The following CDH12 variants were observed in gnomAD, a reference collection of about 807,000 sequenced individuals.
CDH12 encodes cadherin 12.
Under a neutral mutation model 74.1 loss-of-function variants are expected in CDH12, and 41 were observed. That is an observed-to-expected ratio of 0.55 (90% CI 0.43 to 0.72). The LOEUF is 0.72. Ranked by LOEUF, CDH12 falls within the 30% of genes least tolerant of loss-of-function variation. The probability of loss-of-function intolerance (pLI) is 0.00; values close to 1 mark genes in which losing one functional copy is unlikely to be tolerated. For missense variants in CDH12, 945 were observed against 977.2 expected (o/e 0.97, Z 0.44); for synonymous variants, 399 against 355.0 (o/e 1.12, Z -1.39).
At chr5:22,530,049 A>T (rs1737518161) in intron 1 of CDH12, among the ~76,000 whole-genome samples, 1 of 152,190 alleles carries the variant, frequency 6.6e-6, no homozygotes, top group African/African-American at 2.4e-5. Context: ...TTGAAATTTA[A>T]ATTTTAAATT....
chr5:21,838,612 T>G lies in CDH12; in HGVS notation c.814+3549A>C, dbSNP rs920139759. ...GTTCCAATGCCCTTATCCTCTACAT[T>G]TTTTGCAAGTACATCTCAGAGACTT... On this transcript the variant is annotated intron_variant, in intron 8 of 14. Coordinates refer to ENST00000382254, the MANE Select transcript of CDH12 (RefSeq NM_004061.5). 5.9e-5 allele frequency among the ~76,000 whole-genome samples: 9 copies of G among 152,068 alleles called. 1 individual carries two copies. The highest frequency in any genetic ancestry group is 2.6e-4 in the Admixed American group (4 of 15,254).
intron 3 of CDH12, among the ~76,000 whole-genome samples, chr5:22,303,924 T>C (rs1196799776): frequency 3.3e-5 from 5 of 152,130 alleles, no homozygotes. Flanking sequence ...CAGAAACTAA[T>C]ATATTTTAGG....
chr5:22,459,916 C>T (rs1230197827), intron 2 of CDH12, among the ~76,000 whole-genome samples: 1 of 151,338 alleles, frequency 6.6e-6, no homozygotes, highest in East Asian at 1.9e-4. Flanking sequence ...TGCAGTGAGC[C>T]GAGATCACAC....
At chr5:22,385,507 C>G (rs1036346347) in intron 3 of CDH12, among the ~76,000 whole-genome samples, 3 of 152,116 alleles carry the variant, frequency 2.0e-5, no homozygotes, top group African/African-American at 7.2e-5. Context: ...TAAATATTTT[C>G]ACAACCTCAA....
In CDH12 at chr5:22,711,881, C is replaced by T. The variant is rs540592011; in HGVS notation, c.-523+141177G>A. On this transcript the variant is annotated intron_variant, in intron 1 of 14. Coordinates refer to ENST00000382254, the MANE Select transcript of CDH12 (RefSeq NM_004061.5). ...TTCTTGAGGGCATTCATTACAAAAT[C>T]AAGTTCATAATGTATCCAAGCCTTA... 3.3e-5 allele frequency among the ~76,000 whole-genome samples: 5 copies of T among 152,186 alleles called. No individual in the cohort carries two copies. In the East Asian group the frequency reaches 9.7e-4, roughly 29 times the overall value.
chr5:22,752,784 C>CG (rs1323569892), intron 1 of CDH12, among the ~76,000 whole-genome samples: 1 of 151,120 alleles, frequency 6.6e-6, no homozygotes, highest in East Asian at 2.0e-4. Context: ...CGTTTTTAGC[C>CG]GGGATGGTCT....
intron 6 of CDH12, among the ~76,000 whole-genome samples, chr5:21,869,036 A>G (rs1751480607): frequency 6.6e-6 from 1 of 152,138 alleles, no homozygotes; most frequent in East Asian, 1.9e-4. Context: ...TTCCACCATG[A>G]CACATAACAG....
chr5:22,111,908 A>T (rs900632350), intron 4 of CDH12, among the ~76,000 whole-genome samples: 1 of 152,166 alleles, frequency 6.6e-6, no homozygotes, highest in Non-Finnish European at 1.5e-5. Flanking sequence ...TCTATATTAC[A>T]TGTATTTCTG....
intron 2 of CDH12, among the ~76,000 whole-genome samples, chr5:22,413,857 C>T (rs1336695401): frequency 6.6e-6 from 1 of 151,806 alleles, no homozygotes; most frequent in African/African-American, 2.4e-5. Context: ...GAAAATAATT[C>T]AAATTGAATC....
At chr5:22,540,201 C>T (rs1414159970) in intron 1 of CDH12, among the ~76,000 whole-genome samples, 1 of 151,730 alleles carries the variant, frequency 6.6e-6, no homozygotes, top group East Asian at 1.9e-4. Context: ...TCATATATGT[C>T]TCATCAGTAT....
intron 5 of CDH12, among the ~76,000 whole-genome samples, chr5:22,024,440 A>C (rs1738207430): frequency 1.3e-5 from 2 of 152,198 alleles, no homozygotes; most frequent in African/African-American, 4.8e-5. Context: ...AAAACTACTC[A>C]CTTTCAACAA....
At chr5:22,731,488 T>C (rs1324541840) in intron 1 of CDH12, among the ~76,000 whole-genome samples, 1 of 151,892 alleles carries the variant, frequency 6.6e-6, no homozygotes, top group African/African-American at 2.4e-5. Context: ...AGTTAAAATG[T>C]GAAAATTAGT....
At chr5:22,121,472 AC>A (rs1490745617) in intron 4 of CDH12, among the ~76,000 whole-genome samples, 1 of 152,186 alleles carries the variant, frequency 6.6e-6, no homozygotes, top group African/African-American at 2.4e-5. Flanking sequence ...GCTGCCTAAT[AC>A]GTCATGAATG....
At chr5:22,297,612 C>T (rs1238861920) in intron 3 of CDH12, among the ~76,000 whole-genome samples, 2 of 152,172 alleles carry the variant, frequency 1.3e-5, no homozygotes, top group South Asian at 2.1e-4. Context: ...TAATTTACAA[C>T]ATGCGATTGT....
intron 4 of CDH12, among the ~76,000 whole-genome samples, chr5:22,163,058 G>A (rs1748460165): frequency 2.6e-5 from 4 of 152,022 alleles, no homozygotes; most frequent in Middle Eastern, 3.4e-3. Context: ...CACCGCGCCC[G>A]GCTAATTTTT....
At chr5:22,375,225 A>G (rs1374214761) in intron 3 of CDH12, among the ~76,000 whole-genome samples, 4 of 152,116 alleles carry the variant, frequency 2.6e-5, no homozygotes, top group African/African-American at 7.2e-5. Context: ...AATAAATGGT[A>G]TTGGGAATTA....
chr5:22,373,357 C>A (rs940702257), intron 3 of CDH12, among the ~76,000 whole-genome samples: 2 of 152,146 alleles, frequency 1.3e-5, no homozygotes, highest in Non-Finnish European at 1.5e-5. Context: ...CAGTGGGTTG[C>A]CCCCACAACT....
chr5:22,453,542 A>C (rs1268062743), intron 2 of CDH12, among the ~76,000 whole-genome samples: 1 of 152,164 alleles, frequency 6.6e-6, no homozygotes, highest in Non-Finnish European at 1.5e-5. Flanking sequence ...ATGATCCCAT[A>C]GAAGTAGAGC....
intron 3 of CDH12, among the ~76,000 whole-genome samples, chr5:22,252,587 T>A (rs1753172738): frequency 6.6e-6 from 1 of 152,216 alleles, no homozygotes; most frequent in South Asian, 2.1e-4. Flanking sequence ...TATATCCAAA[T>A]CACCAAAGCT....
Sources: allele counts gnomAD v4.1 joint callset (sites outside exome capture counted in the v4.1 genomes callset), GRCh38; gene constraint gnomAD v4.1.1; transcripts MANE v1.5; gene names NCBI Gene and HGNC (gene_info 2026-07-23, HGNC 2026-07-21).